The following UBR1 variants were observed in gnomAD, a reference collection of about 807,000 sequenced individuals.
UBR1 encodes E3 ubiquitin-protein ligase UBR1.
A neutral mutation model predicts 242.1 loss-of-function variants in UBR1; 102 were observed. The ratio of observed to expected loss-of-function variants is 0.42; its 90% CI spans 0.36 to 0.50. UBR1 has a LOEUF of 0.50. UBR1 is among the 20% of genes least tolerant of loss of function. The probability of loss-of-function intolerance (pLI) is 0.01; values close to 1 mark genes in which losing one functional copy is unlikely to be tolerated. For synonymous variants in UBR1, 675 were observed against 684.8 expected (o/e 0.99, Z 0.22); for missense variants, 1,772 against 2,101.8 (o/e 0.84, Z 3.07).
chr15:43,089,703 G>A (rs1271547824), intron 1 of UBR1, among the ~76,000 whole-genome samples: 1 of 152,130 alleles, frequency 6.6e-6, no homozygotes, highest in Non-Finnish European at 1.5e-5. Context: ...ACATGGATCT[G>A]ACGGGGACTA....
chr15:42,956,843 A>G (rs2031929440), intron 44 of UBR1, among the ~76,000 whole-genome samples: 1 of 152,114 alleles, frequency 6.6e-6, no homozygotes, highest in South Asian at 2.1e-4. Context: ...TTGAGGCTGT[A>G]TGTTTAGATC....
intron 33 of UBR1, among the ~76,000 whole-genome samples, chr15:42,995,020 C>T (rs1056383903): frequency 6.6e-6 from 1 of 152,044 alleles, no homozygotes; most frequent in Admixed American, 6.6e-5. Flanking sequence ...TATTTTCTTC[C>T]CTTAAAAATA....
At chr15:43,001,702 A>G (rs2032727904) in intron 32 of UBR1, among the ~76,000 whole-genome samples, 1 of 152,242 alleles carries the variant, frequency 6.6e-6, no homozygotes, top group African/African-American at 2.4e-5. Context: ...ATTTGCTGTT[A>G]ATTCCATTTA....
intron 33 of UBR1, among the ~76,000 whole-genome samples, chr15:42,993,535 T>A (rs1021405172): frequency 1.8e-4 from 28 of 152,072 alleles, no homozygotes; most frequent in Admixed American, 1.5e-3. Context: ...GCCTGGGTAA[T>A]TTTTGTATTT....
At chr15:43,096,604 G>A (rs756333755) in intron 1 of UBR1, among the ~76,000 whole-genome samples, 7 of 152,034 alleles carry the variant, frequency 4.6e-5, no homozygotes, top group Non-Finnish European at 7.4e-5. Flanking sequence ...CCAACTCTGC[G>A]GCTGCTTTAT....
chr15:43,036,396 T>C, intron 18 of UBR1, 117 bp from the exon 19 acceptor site: 1 of 1,188,434 alleles, frequency 8.4e-7, no homozygotes, highest in Non-Finnish European at 1.3e-6. Context: ...GTCCCTTCTA[T>C]TTCTATGAGT....
At chr15:43,084,680 C>A (rs1018364374) in intron 2 of UBR1, among the ~76,000 whole-genome samples, 1 of 152,150 alleles carries the variant, frequency 6.6e-6, no homozygotes, top group Admixed American at 6.5e-5. Context: ...GTCTTGAACT[C>A]CTGACCTCGT....
chr15:43,066,348 C>G (rs2033752078), intron 6 of UBR1, among the ~76,000 whole-genome samples: 1 of 152,098 alleles, frequency 6.6e-6, no homozygotes, highest in African/African-American at 2.4e-5. Context: ...GTACCAGTAC[C>G]ATGCTGTTTT....
chr15:43,002,710 A>T lies in UBR1; in HGVS notation c.3510-6T>A. 2 of 1,613,958 alleles carry T rather than the reference A, an allele frequency of 1.2e-6. No homozygotes were observed. The highest frequency in any genetic ancestry group is 8.5e-7 in the Non-Finnish European group (1 of 1,179,996). On this transcript the variant is annotated splice_polypyrimidine_tract_variant and splice_region_variant and intron_variant, in intron 31 of 46. Coordinates refer to ENST00000290650, the MANE Select transcript of UBR1 (RefSeq NM_174916.3). ...GCTGTACAGCTTCAAAATACCTGCAAAATTACAAAGACACAGGCCCATTCA... is the reference window on the plus strand; with the variant it reads ...GCTGTACAGCTTCAAAATACCTGCATAATTACAAAGACACAGGCCCATTCA...
At position 42,952,391 on chromosome 15, in the gene UBR1, C is replaced by A. The variant is rs747952062; in HGVS notation, c.4893G>T (p.Gly1631=). ...RKHPVLCLFC[G]AILCSQNICC... ...AAATGTTCTGAGAACATAGTATAGC[C>A]CCACAGAAAAGGCAGAGGACAGGAT... is the stretch of plus-strand genomic sequence containing the variant. Residue 1631 remains glycine (G), a synonymous_variant, in exon 45 of 47, where the codon GGG becomes GGT. Coordinates refer to ENST00000290650, the MANE Select transcript of UBR1 (RefSeq NM_174916.3). The A allele has an allele frequency of 1.2e-6, 2 of 1,614,084 alleles. No homozygotes were observed. Among genetic ancestry groups the A allele is most frequent in the Non-Finnish European group, 1.7e-6 (2 of 1,180,050 alleles).
intron 12 of UBR1, among the ~76,000 whole-genome samples, chr15:43,049,161 T>C (rs1257076043): frequency 6.6e-6 from 1 of 152,238 alleles, no homozygotes; most frequent in Non-Finnish European, 1.5e-5. Context: ...ATTCCTGTTA[T>C]ATTGCAGGTG....
chr15:42,994,381 CAAAAAA>C (rs72106180), intron 33 of UBR1, among the ~76,000 whole-genome samples: 1 of 91,916 alleles, frequency 1.1e-5, no homozygotes, highest in Non-Finnish European at 2.3e-5. Context: ...GACGCTGTCT[CAAAAAA>C]AAAAAAAAAA....
intron 44 of UBR1, among the ~76,000 whole-genome samples, chr15:42,955,112 A>C (rs984482956): frequency 1.3e-5 from 2 of 152,118 alleles, no homozygotes; most frequent in African/African-American, 4.8e-5. Flanking sequence ...GCTGCAGTGA[A>C]CTGATATCGT....
intron 29 of UBR1, among the ~76,000 whole-genome samples, chr15:43,013,023 A>G (rs2032949607): frequency 6.6e-6 from 1 of 152,180 alleles, no homozygotes; most frequent in African/African-American, 2.4e-5. Context: ...CTCGTGCCTC[A>G]GCCTCCTGAG....
Position 42,976,812 on chromosome 15 carries a change from TG to T in UBR1, c.4273del (p.Gln1425SerfsTer17). The T allele has an allele frequency of 6.2e-7, 1 of 1,614,070 alleles. No homozygotes were observed. Among genetic ancestry groups the T allele is most frequent in the Non-Finnish European group, 8.5e-7 (1 of 1,180,004 alleles). ...SLYWDDPVDLQPSSVSSSYNH... is the reference protein window; with the variant it reads ...SLYWDDPVDLXPSSVSSSYNH... ...ATAGGAAGAACTAACTGAAGAAGGC[TG>T]CAGATCAACAGGGTCATCCCAATAC... On this transcript the variant is annotated frameshift_variant, in exon 39 of 47. Coordinates refer to ENST00000290650, the MANE Select transcript of UBR1 (RefSeq NM_174916.3). LOFTEE classifies it high-confidence loss of function.
At chr15:43,037,958 T>A in intron 16 of UBR1, 75 bp from the exon 17 acceptor site, 1 of 1,404,050 alleles carries the variant, frequency 7.1e-7, no homozygotes, top group Non-Finnish European at 9.9e-7. Context: ...CACTACATAT[T>A]CTTCAGTTTT....
intron 12 of UBR1, among the ~76,000 whole-genome samples, chr15:43,052,755 C>G (rs777016588): frequency 1.3e-5 from 2 of 152,066 alleles, no homozygotes; most frequent in Non-Finnish European, 2.9e-5. Flanking sequence ...GCAATTAACA[C>G]GAATTATTTG....
chr15:42,959,074 GC>G (rs2031972539), intron 43 of UBR1, among the ~76,000 whole-genome samples: 1 of 152,038 alleles, frequency 6.6e-6, no homozygotes, highest in Non-Finnish European at 1.5e-5. Flanking sequence ...CAGGTGATCC[GC>G]CCACCTTGGC....
chr15:42,976,578 A>T, intron 39 of UBR1, 139 bp downstream of exon 39: 1 of 974,800 alleles, frequency 1.0e-6, no homozygotes, highest in Non-Finnish European at 1.5e-6. Context: ...AACAGTATCC[A>T]TTAAAAAACA....
Sources: gnomAD v4.1 joint callset for allele counts (sites outside exome capture counted in the v4.1 genomes callset) on GRCh38, gnomAD v4.1.1 for gene constraint, MANE v1.5 for transcripts, NCBI Gene and HGNC (gene_info 2026-07-23, HGNC 2026-07-21) for gene names.